Variants in GABRB1 observed in about 807,000 individuals in gnomAD.
GABRB1 encodes the protein gamma-aminobutyric acid type A receptor subunit beta1.
In GABRB1, 17 loss-of-function variants were observed where a neutral mutation model predicts 51.6. The ratio of observed to expected loss-of-function variants is 0.33; its 90% CI spans 0.23 to 0.49. GABRB1 has a LOEUF of 0.49. Among genes scored for constraint, GABRB1 ranks in the 20% least tolerant of loss-of-function variants. The pLI, the probability that GABRB1 is intolerant of heterozygous loss-of-function variation, is 0.99. For missense variants in GABRB1, 410 were observed against 600.6 expected, an observed-to-expected ratio of 0.68 and a Z score of 3.32; for synonymous variants, 247 against 218.9, an observed-to-expected ratio of 1.13 and a Z score of -1.14.
intron 3 of GABRB1, among the ~76,000 whole-genome samples, chr4:47,037,905 T>C (rs1343592651): frequency 6.6e-6 from 1 of 152,156 alleles, no homozygotes; most frequent in Non-Finnish European, 1.5e-5. Flanking sequence ...GAGTCAAAAT[T>C]TGAAACCAGG....
In GABRB1 at chr4:47,258,451, T is replaced by C. The variant is rs1169897233; in HGVS notation, c.462-61676T>C. Among the ~76,000 whole-genome samples, 3 of 152,146 alleles carry C rather than the reference T, an allele frequency of 2.0e-5. No individual in the cohort carries two copies. In the East Asian group the frequency reaches 5.8e-4, roughly 29 times the overall value. On this transcript the variant is annotated intron_variant, in intron 4 of 8. Coordinates refer to ENST00000295454, the MANE Select transcript of GABRB1 (RefSeq NM_000812.4). ...CCATCAAATTCTATGGAGTTGTTGC[T>C]ATAAATTATCAGACATTAAAAATAA...
intron 8 of GABRB1, among the ~76,000 whole-genome samples, chr4:47,410,636 C>T (rs1392251102): frequency 6.6e-6 from 1 of 152,132 alleles, no homozygotes; most frequent in East Asian, 1.9e-4. Context: ...CCAGCTTGAT[C>T]CCTGAGCTAC....
intron 4 of GABRB1, among the ~76,000 whole-genome samples, chr4:47,295,866 G>A (rs1259448809): frequency 1.3e-5 from 2 of 152,140 alleles, no homozygotes; most frequent in Non-Finnish European, 2.9e-5. Flanking sequence ...GAGAAAGGTC[G>A]GGTTAACCAC....
At chr4:47,020,522 A>G (rs1260396157) in intron 1 of GABRB1, among the ~76,000 whole-genome samples, 1 of 152,188 alleles carries the variant, frequency 6.6e-6, no homozygotes, top group African/African-American at 2.4e-5. Context: ...AAAACTGTTT[A>G]TCAACATCCT....
At chr4:47,176,502 A>C (rs2109763037) in intron 4 of GABRB1, among the ~76,000 whole-genome samples, 1 of 152,234 alleles carries the variant, frequency 6.6e-6, no homozygotes, top group African/African-American at 2.4e-5. Flanking sequence ...GATAAACTAA[A>C]GATCTCTGTT....
intron 4 of GABRB1, among the ~76,000 whole-genome samples, chr4:47,189,842 C>T (rs1719360360): frequency 6.6e-6 from 1 of 151,878 alleles, no homozygotes. Context: ...TTGAATCAGA[C>T]TATTATGTTT....
intron 3 of GABRB1, among the ~76,000 whole-genome samples, chr4:47,103,843 C>G (rs144335883): frequency 6.5e-4 from 99 of 151,854 alleles, no homozygotes; most frequent in Non-Finnish European, 1.0e-3. Context: ...CCTCCAAAGA[C>G]CAGCATTTTG....
At chr4:47,326,269 A>G (rs1331562324) in intron 5 of GABRB1, among the ~76,000 whole-genome samples, 2 of 152,210 alleles carry the variant, frequency 1.3e-5, no homozygotes, top group Non-Finnish European at 2.9e-5. Context: ...TCTTCAGAAG[A>G]TCAATAGTAA....
upstream of GABRB1, among the ~76,000 whole-genome samples, chr4:47,030,715 A>C (rs539136419): frequency 5.4e-4 from 83 of 152,302 alleles, no homozygotes; most frequent in African/African-American, 2.0e-3. Context: ...CAGAATCCCA[A>C]CCTACTGGCG....
chr4:47,215,042 C>T (rs969677394), intron 4 of GABRB1, among the ~76,000 whole-genome samples: 1 of 152,060 alleles, frequency 6.6e-6, no homozygotes, highest in South Asian at 2.1e-4. Context: ...CCAGTAGTGT[C>T]GGTATGGCCA....
At chr4:47,340,570 C>T (rs1042990888) in intron 5 of GABRB1, among the ~76,000 whole-genome samples, 5 of 152,098 alleles carry the variant, frequency 3.3e-5, no homozygotes, top group African/African-American at 1.2e-4. Context: ...TGTACTCTCT[C>T]ACATGGCAGA....
chr4:47,359,387 T>C (rs1179188816), intron 5 of GABRB1, among the ~76,000 whole-genome samples: 1 of 152,174 alleles, frequency 6.6e-6, no homozygotes, highest in South Asian at 2.1e-4. Context: ...TCATCTTGAA[T>C]TTGTAGAGAA....
chr4:47,299,877 T>C (rs1481130341), intron 4 of GABRB1, among the ~76,000 whole-genome samples: 2 of 151,884 alleles, frequency 1.3e-5, no homozygotes, highest in African/African-American at 4.8e-5. Flanking sequence ...TAAGAAAATG[T>C]GGCACATATA....
chr4:47,125,807 G>C (rs963800148), intron 3 of GABRB1, among the ~76,000 whole-genome samples: 1 of 149,102 alleles, frequency 6.7e-6, no homozygotes, highest in Admixed American at 6.7e-5. Flanking sequence ...CGCCCGCCTC[G>C]GCCTCCCAAA....
At chr4:47,258,031 T>C (rs1272007761) in intron 4 of GABRB1, among the ~76,000 whole-genome samples, 1 of 152,170 alleles carries the variant, frequency 6.6e-6, no homozygotes, top group Non-Finnish European at 1.5e-5. Context: ...GAGTAATATT[T>C]TTAATGTGTA....
chr4:47,033,540 C>A (rs527954880), intron 3 of GABRB1, among the ~76,000 whole-genome samples: 25 of 152,188 alleles, frequency 1.6e-4, no homozygotes, highest in African/African-American at 5.8e-4. Flanking sequence ...TTTATAAATC[C>A]TGAATAATTT....
At chr4:47,097,933 T>C (rs1450860299) in intron 3 of GABRB1, among the ~76,000 whole-genome samples, 1 of 152,166 alleles carries the variant, frequency 6.6e-6, no homozygotes, top group African/African-American at 2.4e-5. Flanking sequence ...CTCAGAAACT[T>C]AGCATCAGTT....
At chr4:46,997,146 G>A (rs956127792) in intron 1 of GABRB1, among the ~76,000 whole-genome samples, 8 of 152,012 alleles carry the variant, frequency 5.3e-5, no homozygotes, top group Admixed American at 4.6e-4. Context: ...CTGTATACCA[G>A]CCTACTATCA....
chr4:47,333,376 A>G (rs1725574658), intron 5 of GABRB1, among the ~76,000 whole-genome samples: 1 of 151,918 alleles, frequency 6.6e-6, no homozygotes, highest in African/African-American at 2.4e-5. Flanking sequence ...AAAGAAATAA[A>G]GCAAGTTAAA....
Sources: gnomAD v4.1 joint callset for allele counts (sites outside exome capture counted in the v4.1 genomes callset) on GRCh38, gnomAD v4.1.1 for gene constraint, MANE v1.5 for transcripts, NCBI Gene and HGNC (gene_info 2026-07-23, HGNC 2026-07-21) for gene names.